Variants in UBR4 observed in about 807,000 individuals in gnomAD.
The protein encoded by UBR4 is ubiquitin protein ligase E3 component n-recognin 4.
Under a neutral mutation model 575.6 loss-of-function variants are expected in UBR4, and 124 were observed. That is an observed-to-expected ratio of 0.22 (90% CI 0.19 to 0.25). The LOEUF (loss-of-function observed/expected upper bound fraction) is 0.25. Among genes scored for constraint, UBR4 ranks in the 10% least tolerant of loss-of-function variants. The pLI, the probability that UBR4 is intolerant of heterozygous loss-of-function variation, is 1.00. For synonymous variants in UBR4, 2,455 were observed against 2,473.7 expected (o/e 0.99, Z 0.22); for missense variants, 4,818 against 6,478.8 (o/e 0.74, Z 8.80).
At chr1:19,138,619 T>G (rs969049628) in intron 59 of UBR4, among the ~76,000 whole-genome samples, 60 of 152,238 alleles carry the variant, frequency 3.9e-4, no homozygotes, top group Non-Finnish European at 6.5e-4. Flanking sequence ...GCTAGTAGAC[T>G]GTGGGGATGG....
intron 52 of UBR4, 125 bp downstream of exon 52, chr1:19,146,701 C>A: frequency 7.4e-7 from 1 of 1,351,836 alleles, no homozygotes; most frequent in East Asian, 2.4e-5. Context: ...GTATAAAGAC[C>A]AGGAAGCAAA....
chr1:19,176,102 T>TC (rs1347306159), intron 20 of UBR4, among the ~76,000 whole-genome samples: 1 of 146,714 alleles, frequency 6.8e-6, no homozygotes, highest in Non-Finnish European at 1.5e-5. Flanking sequence ...TTTTTTTTTT[T>TC]CCTTGAAATA....
chr1:19,122,838 T>C lies in UBR4; in HGVS notation c.9811A>G (p.Ser3271Gly). ...GSALQYDTLI[S>G]LMEHLKACAE... ...CCAGGTCCCAGCCCTCGTACCAGGC[T>C]GATGAGTGTGTCATATTGCAAGGCG... The change falls in exon 66 of 106, where the codon AGC becomes GGC. Residue 3271 changes from serine to glycine, a missense_variant. Ser to Gly is a moderately conservative substitution (Grantham distance 56). This residue lies in a region of UBR4 where 550 missense variants were observed against 791.5 expected (regional missense o/e 0.69). Coordinates refer to ENST00000375254, the MANE Select transcript of UBR4 (RefSeq NM_020765.3). 1 of 1,614,242 alleles carries C rather than the reference T, an allele frequency of 6.2e-7. No individual in the cohort carries two copies. Among genetic ancestry groups the C allele is most frequent in the Non-Finnish European group, 8.5e-7 (1 of 1,180,034 alleles).
chr1:19,170,944 A>G lies in UBR4; in HGVS notation c.3522-61T>C. 3.1e-6 allele frequency: 5 copies of G among 1,612,244 alleles called. No homozygotes were observed. The South Asian group carries it at 5.5e-5, about 18-fold the overall frequency. Reference sequence around the variant, plus strand: ...ATTCTAATCCCACCAGTTAGGAAAAACTGGCCCTAGACTGGCTGAAAACCC... The same window carrying G: ...ATTCTAATCCCACCAGTTAGGAAAAGCTGGCCCTAGACTGGCTGAAAACCC... On this transcript the variant is annotated intron_variant, in intron 25 of 105. Coordinates refer to ENST00000375254, the MANE Select transcript of UBR4 (RefSeq NM_020765.3).
intron 17 of UBR4, among the ~76,000 whole-genome samples, chr1:19,183,080 A>G (rs568405016): frequency 2.6e-5 from 4 of 152,348 alleles, no homozygotes; most frequent in Admixed American, 6.5e-5. Flanking sequence ...TGTATATGAG[A>G]GCATCTATCT....
At chr1:19,151,605 A>T in intron 48 of UBR4, 38 bp downstream of exon 48, 4 of 1,610,354 alleles carry the variant, frequency 2.5e-6, no homozygotes, top group Non-Finnish European at 3.4e-6. Context: ...TCGCAGTCAC[A>T]ATGAGGACAG....
At chr1:19,161,178 T>G (rs983048272) in intron 37 of UBR4, 31 bp from the exon 38 acceptor site, 5 of 1,601,562 alleles carry the variant, frequency 3.1e-6, no homozygotes, top group Non-Finnish European at 4.3e-6. Flanking sequence ...AGTCCCTAAG[T>G]TCTTGCCTCA....
chr1:19,176,788 C>A, intron 19 of UBR4, 61 bp from the exon 20 acceptor site: 1 of 1,580,392 alleles, frequency 6.3e-7, no homozygotes, highest in Non-Finnish European at 8.6e-7. Flanking sequence ...GCTTTTCACT[C>A]AGGCATGATA....
In UBR4 at chr1:19,093,297, C is replaced by T. The variant is rs759058069; in HGVS notation, c.14111+16G>A. On this transcript the variant is annotated intron_variant, in intron 96 of 105. Transcript: ENST00000375254. The surrounding 1 kb of genome is among the most constrained non-coding windows in gnomAD (Gnocchi z 4.8). Reference sequence around the variant, plus strand: ...AAGCGAAGGCAAAGCAGCCCCGCTGCGGGAGGGCTTCATACTTCTTGGCGC... The same window carrying T: ...AAGCGAAGGCAAAGCAGCCCCGCTGTGGGAGGGCTTCATACTTCTTGGCGC... The T allele has an allele frequency of 2.7e-5, 44 of 1,609,752 alleles. No homozygotes were observed. Among genetic ancestry groups the T allele is most frequent in the South Asian group, 6.6e-5 (6 of 90,696 alleles).
At chr1:19,095,480 G>A (rs2077943931) in intron 93 of UBR4, 65 bp downstream of exon 93, 6 of 1,464,334 alleles carry the variant, frequency 4.1e-6, no homozygotes, top group Admixed American at 3.4e-5. Context: ...GCCCAGAACT[G>A]AGAGGTCTTT....
At position 19,157,900 on chromosome 1, in the gene UBR4, T is replaced by A; in HGVS notation, c.5675A>T (p.His1892Leu). The change falls in exon 40 of 106, where the codon CAT becomes CTT. Residue 1892 changes from histidine to leucine, a missense_variant. Transcript: ENST00000375254. The surrounding 1 kb of genome is among the most constrained non-coding windows in gnomAD (Gnocchi z 4.4). ...GQTIRQLISA[H>L]VLRRVAMCVL... ...ACACATAGCCACCCGCCTGAGCACA[T>A]GAGCACTGATCAGCTGCCGGATGGT... The A allele has an allele frequency of 6.2e-7, 1 of 1,614,216 alleles. No homozygotes were observed.
At chr1:19,198,723 A>T in intron 4 of UBR4, 43 bp from the exon 5 acceptor site, 1 of 1,612,780 alleles carries the variant, frequency 6.2e-7, no homozygotes, top group Non-Finnish European at 8.5e-7. Context: ...GGAAAGTGCC[A>T]CTAGAAGGCA....
rs372709758 is a variant in UBR4 at position 19,093,928 on chromosome 1, T to C, written c.13937+21A>G. ...TTTAGTGGAGACTCTCATTTCACTA[T>C]ATGAAATCAAAGTAACATACTTATC... On this transcript the variant is annotated intron_variant, in intron 95 of 105. Transcript: ENST00000375254. The surrounding 1 kb of genome is among the most constrained non-coding windows in gnomAD (Gnocchi z 4.8). The C allele has an allele frequency of 5.0e-6, 8 of 1,602,460 alleles. No homozygotes were observed. Among genetic ancestry groups the C allele is most frequent in the South Asian group, 2.2e-5 (2 of 90,016 alleles).
intron 67 of UBR4, 25 bp from the exon 68 acceptor site, chr1:19,121,459 C>T: frequency 1.9e-6 from 3 of 1,605,916 alleles, no homozygotes; most frequent in Non-Finnish European, 2.6e-6. Flanking sequence ...GACAGAGGCT[C>T]ACCTCTGAGA....
intron 60 of UBR4, among the ~76,000 whole-genome samples, chr1:19,137,666 G>C (rs1037479461): frequency 5.3e-5 from 8 of 152,200 alleles, no homozygotes; most frequent in Admixed American, 6.5e-5. Flanking sequence ...CATTTGTAAA[G>C]AGGATGCCAT....
chr1:19,129,174 C>A, intron 60 of UBR4, 100 bp from the exon 61 acceptor site: 4 of 946,312 alleles, frequency 4.2e-6, no homozygotes, highest in South Asian at 1.5e-5. Context: ...CCAAGGTCAA[C>A]AAGAAGCCTA....
At chr1:19,149,821 A>C (rs2085401154) in intron 49 of UBR4, 3 of 1,290,336 alleles carry the variant, frequency 2.3e-6, no homozygotes, top group Non-Finnish European at 3.0e-6. Flanking sequence ...AAGAAAAAAA[A>C]AAAAGGAAAA....
Position 19,117,289 on chromosome 1 carries a change from C to T in UBR4, c.10755G>A (p.Lys3585=). The change falls in exon 73 of 106, where the codon AAG becomes AAA. Residue 3585 remains lysine (K), a synonymous_variant. Transcript: ENST00000375254. This position sits in a 1 kb window ranked among gnomAD's most constrained non-coding sequence, Gnocchi z 4.0. ...AATACAGGTTGATGGTCCGCACCAT[C>T]TTGGTCCGTTTCAGATCCCCGATTT... ...TVKIGDLKRT[K]MVRTINLYYN... The T allele has an allele frequency of 6.2e-7, 1 of 1,614,198 alleles. No homozygotes were observed. The highest frequency in any genetic ancestry group is 8.5e-7 in the Non-Finnish European group (1 of 1,180,028).
chr1:19,193,374 T>A, intron 9 of UBR4, 59 bp downstream of exon 9: 2 of 1,584,638 alleles, frequency 1.3e-6, no homozygotes, highest in Middle Eastern at 3.4e-4. Context: ...AAAGTGGAAC[T>A]GGCCATACTC....
Sources: allele counts gnomAD v4.1 joint callset (sites outside exome capture counted in the v4.1 genomes callset), GRCh38; gene constraint gnomAD v4.1.1; regional missense constraint gnomAD v4.1.1; non-coding constraint Gnocchi (gnomAD v3.1); transcripts MANE v1.5; gene names NCBI Gene and HGNC (gene_info 2026-07-23, HGNC 2026-07-21).